The following KCMF1 variants were observed in gnomAD, a reference collection of about 807,000 sequenced individuals.
The protein encoded by KCMF1 is potassium channel modulatory factor 1.
KCMF1 carries 3 observed loss-of-function variants against 41.1 expected under a neutral mutation model. The observed-to-expected ratio is 0.07, with a 90% CI of 0.03 to 0.19. KCMF1 has a LOEUF of 0.19. Ranked by LOEUF, KCMF1 falls within the 10% of genes least tolerant of loss-of-function variation. KCMF1 has a pLI of 1.00. For synonymous variants in KCMF1, 142 were observed against 164.5 expected (o/e 0.86, Z 1.04); for missense variants, 286 against 488.9 (o/e 0.58, Z 3.91).
In KCMF1 at chr2:84,994,418, T is replaced by C. The variant is rs58522049; in HGVS notation, c.16+22951T>C. Among the ~76,000 whole-genome samples, 349 of 151,856 alleles carry C rather than the reference T, an allele frequency of 2.3e-3. 3 individuals carry two copies. Among genetic ancestry groups the C allele is most frequent in the African/African-American group, 8.1e-3 (336 of 41,400 alleles). ...CTAAACTAACAATACTTCTTTTTTT[T>C]TTGAGACGGAGGTTCGCTTTTGTTG... On this transcript the variant is annotated intron_variant, in intron 1 of 6. Transcript: ENST00000409785.
chr2:85,019,322 AT>A (rs1233640234), intron 1 of KCMF1, among the ~76,000 whole-genome samples: 1 of 152,212 alleles, frequency 6.6e-6, no homozygotes, highest in Non-Finnish European at 1.5e-5. Context: ...ATTCTGACAC[AT>A]ATACTTAGGA....
At chr2:85,013,079 A>G (rs1440553843) in intron 1 of KCMF1, among the ~76,000 whole-genome samples, 1 of 152,186 alleles carries the variant, frequency 6.6e-6, no homozygotes, top group Non-Finnish European at 1.5e-5. Context: ...TTCCCCAGCT[A>G]GAACAAGTCA....
intron 1 of KCMF1, among the ~76,000 whole-genome samples, chr2:85,004,372 A>T (rs576285961): frequency 1.3e-5 from 2 of 152,058 alleles, no homozygotes; most frequent in Non-Finnish European, 2.9e-5. Context: ...TTAGGCAGGC[A>T]TGGTGGCGGG....
intron 2 of KCMF1, among the ~76,000 whole-genome samples, chr2:85,030,146 T>C (rs1408907175): frequency 6.6e-6 from 1 of 152,214 alleles, no homozygotes; most frequent in Non-Finnish European, 1.5e-5. Context: ...GTATATCTAC[T>C]TTGAAGAAAT....
intron 1 of KCMF1, among the ~76,000 whole-genome samples, chr2:85,012,699 C>T (rs1040560041): frequency 2.6e-5 from 4 of 152,216 alleles, no homozygotes; most frequent in Admixed American, 1.3e-4. Flanking sequence ...AACTCTTTTC[C>T]GCCAGTGCTA....
intron 6 of KCMF1, among the ~76,000 whole-genome samples, chr2:85,051,925 A>G (rs1374598509): frequency 2.0e-5 from 3 of 152,232 alleles, no homozygotes; most frequent in Admixed American, 6.5e-5. Context: ...TGTGATATAT[A>G]TAGGGCCCAA....
At chr2:85,024,212 C>T (rs1675026012) in intron 1 of KCMF1, among the ~76,000 whole-genome samples, 1 of 152,180 alleles carries the variant, frequency 6.6e-6, no homozygotes, top group Non-Finnish European at 1.5e-5. Flanking sequence ...CGTGGTGGCT[C>T]ACGCCTGTTG....
In KCMF1 at chr2:85,057,557, C is replaced by G. The variant is rs561959172; in HGVS notation, c.*4148C>G. On this transcript the variant is annotated 3_prime_UTR_variant, in exon 7 of 7. Coordinates refer to ENST00000409785, the MANE Select transcript of KCMF1 (RefSeq NM_020122.5). ...TGTCTGAGTCAGTCATTACGGTATTCCAAAGCCAAATTCAAGTGACTGTTT... is the reference window on the plus strand; with the variant it reads ...TGTCTGAGTCAGTCATTACGGTATTGCAAAGCCAAATTCAAGTGACTGTTT... 2 of 152,290 alleles carry G rather than the reference C, an allele frequency of 1.3e-5. No homozygotes were observed. Among genetic ancestry groups the G allele is most frequent in the African/African-American group, 2.4e-5 (1 of 41,544 alleles). 9.4% of individuals were successfully genotyped at this position (152,290 alleles called of 1,614,324 possible).
At chr2:84,992,467 G>A (rs1182642083) in intron 1 of KCMF1, among the ~76,000 whole-genome samples, 1 of 152,076 alleles carries the variant, frequency 6.6e-6, no homozygotes, top group African/African-American at 2.4e-5. Flanking sequence ...TGTTGGCCAG[G>A]CTGGTCTCAA....
intron 1 of KCMF1, among the ~76,000 whole-genome samples, chr2:85,022,255 T>C (rs904013178): frequency 2.6e-5 from 4 of 152,114 alleles, no homozygotes; most frequent in African/African-American, 7.2e-5. Context: ...GCAGATTGCT[T>C]GAGTCCAGGA....
chr2:85,029,728 C>G (rs1321056046), intron 2 of KCMF1, among the ~76,000 whole-genome samples: 5 of 135,536 alleles, frequency 3.7e-5, no homozygotes, highest in African/African-American at 1.4e-4. Context: ...GTCGCCTAGG[C>G]TGGAGTGCAA....
At chr2:85,013,052 G>A (rs778312068) in intron 1 of KCMF1, among the ~76,000 whole-genome samples, 36 of 152,134 alleles carry the variant, frequency 2.4e-4, no homozygotes, top group Non-Finnish European at 5.0e-4. Flanking sequence ...AGTTGTGTCA[G>A]GGTGAGTCTG....
intron 1 of KCMF1, among the ~76,000 whole-genome samples, chr2:85,012,912 C>A (rs1674684028): frequency 6.6e-6 from 1 of 152,128 alleles, no homozygotes; most frequent in South Asian, 2.1e-4. Flanking sequence ...TGACTTAGTT[C>A]ATGTTTGTGG....
At chr2:85,004,937 G>A (rs1470747525) in intron 1 of KCMF1, among the ~76,000 whole-genome samples, 2 of 152,020 alleles carry the variant, frequency 1.3e-5, no homozygotes, top group African/African-American at 4.8e-5. Flanking sequence ...CCGGATTCAA[G>A]TGATTCTCCT....
intron 1 of KCMF1, among the ~76,000 whole-genome samples, chr2:84,978,416 A>G (rs1309605978): frequency 6.6e-6 from 1 of 152,094 alleles, no homozygotes; most frequent in Non-Finnish European, 1.5e-5. Context: ...AAAGAAATCC[A>G]TGCATCATAA....
intron 1 of KCMF1, among the ~76,000 whole-genome samples, chr2:84,986,743 G>T (rs958377941): frequency 6.6e-6 from 1 of 151,990 alleles, no homozygotes; most frequent in African/African-American, 2.4e-5. Flanking sequence ...TTAGCCAGGC[G>T]TGGTGGTGGG....
intron 1 of KCMF1, among the ~76,000 whole-genome samples, chr2:84,978,553 G>C (rs1328610731): frequency 6.7e-6 from 1 of 149,406 alleles, no homozygotes; most frequent in Non-Finnish European, 1.5e-5. Context: ...CAATGTATTT[G>C]GGTTTTTTTT....
intron 2 of KCMF1, among the ~76,000 whole-genome samples, chr2:85,033,235 C>CT (rs1675321279): frequency 6.6e-6 from 1 of 152,150 alleles, no homozygotes; most frequent in African/African-American, 2.4e-5. Flanking sequence ...GTAATGAACA[C>CT]TTTCTTCCAT....
intron 1 of KCMF1, among the ~76,000 whole-genome samples, chr2:85,024,669 ATATTC>A: frequency 6.6e-6 from 1 of 152,068 alleles, no homozygotes. Context: ...ACTCATAAAA[ATATTC>A]TATATTGTCT....
Sources: gnomAD v4.1 joint callset for allele counts (sites outside exome capture counted in the v4.1 genomes callset) on GRCh38, gnomAD v4.1.1 for gene constraint, MANE v1.5 for transcripts, NCBI Gene and HGNC (gene_info 2026-07-23, HGNC 2026-07-21) for gene names.